The following CHRM3 variants were observed in gnomAD, a reference collection of about 807,000 sequenced individuals.
CHRM3 encodes muscarinic acetylcholine receptor M3.
Under a neutral mutation model 41.8 loss-of-function variants are expected in CHRM3, and 11 were observed. The ratio of observed to expected loss-of-function variants is 0.26; its 90% CI spans 0.17 to 0.44. The LOEUF is 0.44. Ranked by LOEUF, CHRM3 falls within the 20% of genes least tolerant of loss-of-function variation. The pLI is 1.00. For synonymous variants in CHRM3, 297 were observed against 301.4 expected (o/e 0.99, Z 0.15); for missense variants, 571 against 745.4 (o/e 0.77, Z 2.72).
intron 4 of CHRM3, among the ~76,000 whole-genome samples, chr1:239,665,806 T>C (rs1166710553): frequency 6.6e-6 from 1 of 152,194 alleles, no homozygotes; most frequent in Non-Finnish European, 1.5e-5. Context: ...CTGAGAATTA[T>C]GGTTTCCAGC....
chr1:239,647,400 A>G (rs1671833022), intron 4 of CHRM3, among the ~76,000 whole-genome samples: 2 of 152,222 alleles, frequency 1.3e-5, no homozygotes, highest in African/African-American at 2.4e-5. Context: ...GATTCGAAGG[A>G]ACCTCTCTTT....
At chr1:239,401,399 TC>T (rs1280346630) in intron 1 of CHRM3, among the ~76,000 whole-genome samples, 1 of 152,220 alleles carries the variant, frequency 6.6e-6, no homozygotes. Flanking sequence ...GACTTGACTT[TC>T]CTTAAAGTAC....
intron 5 of CHRM3, among the ~76,000 whole-genome samples, chr1:239,718,361 G>A (rs766809624): frequency 5.9e-5 from 9 of 152,126 alleles, no homozygotes; most frequent in Middle Eastern, 3.4e-3. Context: ...ACTCCTCAGC[G>A]TGAAACATGA....
At chr1:239,549,797 A>G (rs1253056092) in intron 3 of CHRM3, among the ~76,000 whole-genome samples, 1 of 152,038 alleles carries the variant, frequency 6.6e-6, no homozygotes, top group Non-Finnish European at 1.5e-5. Flanking sequence ...GGGCCAGATC[A>G]TGGATCAGAC....
rs550141172 is a variant in CHRM3, at chr1:239,502,823, A to C, written c.-422+10016A>C. On this transcript the variant is annotated intron_variant, in intron 2 of 6. Transcript: ENST00000676153. ...AAAACAAAAATCACATGATCATCTC[A>C]ATAGTTGCAGAAAAAGCATTTGACA... is the stretch of plus-strand genomic sequence containing the variant. Among the ~76,000 whole-genome samples, 12 of 152,356 alleles carry C rather than the reference A, an allele frequency of 7.9e-5. No homozygotes were observed. The East Asian group carries it at 1.9e-3, about 24-fold the overall frequency.
At chr1:239,806,038 G>A (rs892045369) in intron 5 of CHRM3, among the ~76,000 whole-genome samples, 1 of 152,084 alleles carries the variant, frequency 6.6e-6, no homozygotes, top group Admixed American at 6.6e-5. Flanking sequence ...TAGTCTGTGG[G>A]GGAACCCAGC....
intron 1 of CHRM3, among the ~76,000 whole-genome samples, chr1:239,405,417 T>A (rs1019377420): frequency 1.9e-4 from 29 of 152,262 alleles, no homozygotes; most frequent in Non-Finnish European, 2.1e-4. Flanking sequence ...GGTTTACGTC[T>A]TTGTGAAAAT....
chr1:239,477,360 A>C (rs1666535492), intron 1 of CHRM3, among the ~76,000 whole-genome samples: 1 of 152,288 alleles, frequency 6.6e-6, no homozygotes, highest in African/African-American at 2.4e-5. Flanking sequence ...AGATTTAGAA[A>C]ATTATAGAAG....
intron 3 of CHRM3, among the ~76,000 whole-genome samples, chr1:239,571,558 T>G (rs1289640784): frequency 1.3e-5 from 2 of 152,176 alleles, no homozygotes; most frequent in African/African-American, 4.8e-5. Flanking sequence ...TTAAGATGGT[T>G]GGATCAGGAC....
At chr1:239,394,822 G>C (rs1659341338) in intron 1 of CHRM3, among the ~76,000 whole-genome samples, 1 of 152,156 alleles carries the variant, frequency 6.6e-6, no homozygotes, top group Non-Finnish European at 1.5e-5. Context: ...CTTTAAAGTT[G>C]AGAAGTTTAA....
intron 6 of CHRM3, among the ~76,000 whole-genome samples, chr1:239,870,419 T>A (rs187779623): frequency 6.6e-6 from 1 of 152,298 alleles, no homozygotes. Context: ...TAAGGATTAA[T>A]GTTTGTTGAG....
chr1:239,723,744 G>A (rs555025660), intron 5 of CHRM3, among the ~76,000 whole-genome samples: 3 of 151,938 alleles, frequency 2.0e-5, no homozygotes, highest in South Asian at 2.1e-4. Flanking sequence ...AGGAGTTGCT[G>A]TGGGTCAACA....
chr1:239,458,690 C>G (rs1045497737), intron 1 of CHRM3, among the ~76,000 whole-genome samples: 6 of 152,088 alleles, frequency 3.9e-5, no homozygotes, highest in African/African-American at 9.7e-5. Context: ...TTTGAAGGAA[C>G]CTTCAAACTT....
At chr1:239,863,509 A>G (rs575079596) in intron 6 of CHRM3, among the ~76,000 whole-genome samples, 4 of 152,252 alleles carry the variant, frequency 2.6e-5, no homozygotes, top group East Asian at 3.9e-4. Context: ...CAGCCCCTCA[A>G]TGGTCATCCC....
chr1:239,844,390 T>C (rs571769765), intron 6 of CHRM3, among the ~76,000 whole-genome samples: 1 of 152,274 alleles, frequency 6.6e-6, no homozygotes, highest in East Asian at 1.9e-4. Flanking sequence ...AAGATGTGAT[T>C]CCAAACTACA....
chr1:239,576,292 G>A (rs985512031), intron 3 of CHRM3, among the ~76,000 whole-genome samples: 6 of 151,866 alleles, frequency 4.0e-5, no homozygotes, highest in Admixed American at 6.6e-5. Flanking sequence ...CCCAGGGATC[G>A]TAAGTTAATG....
chr1:239,774,325 A>G (rs187026822), intron 5 of CHRM3, among the ~76,000 whole-genome samples: 48 of 152,250 alleles, frequency 3.2e-4, no homozygotes, highest in Non-Finnish European at 6.5e-4. Context: ...GTATTTTAAT[A>G]GTCGTAGTAG....
At chr1:239,590,381 C>T (rs1432909194) in intron 3 of CHRM3, among the ~76,000 whole-genome samples, 2 of 152,042 alleles carry the variant, frequency 1.3e-5, no homozygotes, top group African/African-American at 2.4e-5. Flanking sequence ...TATAGTCTAA[C>T]AGAAGGAGAG....
chr1:239,782,795 T>C, intron 5 of CHRM3, among the ~76,000 whole-genome samples: 1 of 152,142 alleles, frequency 6.6e-6, no homozygotes, highest in Non-Finnish European at 1.5e-5. Context: ...CCACACAAGT[T>C]TTGATAAAAT....
Sources: gnomAD v4.1 joint callset for allele counts (sites outside exome capture counted in the v4.1 genomes callset) on GRCh38, gnomAD v4.1.1 for gene constraint, MANE v1.5 for transcripts, NCBI Gene and HGNC (gene_info 2026-07-23, HGNC 2026-07-21) for gene names.